CSMD1: variants seen among roughly 807,000 people sequenced by gnomAD.
CSMD1 encodes the protein CUB and Sushi multiple domains 1, also known as CUB and sushi domain-containing protein 1.
In CSMD1, 213 loss-of-function variants were observed where a neutral mutation model predicts 417.5. The observed-to-expected ratio is 0.51, with a 90% CI of 0.46 to 0.57. CSMD1 has a LOEUF of 0.57. CSMD1 is among the 20% of genes least tolerant of loss of function. CSMD1 has a pLI of 0.00. For synonymous variants in CSMD1, 2,862 were observed against 1,736.8 expected (o/e 1.65, Z -16.11); for missense variants, 6,923 against 4,529.7 (o/e 1.53, Z -15.17).
intron 1 of CSMD1, among the ~76,000 whole-genome samples, chr8:4,878,150 A>G: frequency 6.6e-6 from 1 of 152,088 alleles, no homozygotes. Context: ...AGTCTAAGAA[A>G]ATTATTTTAG....
intron 5 of CSMD1, among the ~76,000 whole-genome samples, chr8:3,850,213 A>G (rs535058885): frequency 3.5e-4 from 53 of 152,330 alleles, no homozygotes; most frequent in African/African-American, 1.2e-3. Flanking sequence ...TTTTCTTTAT[A>G]TCAAAGGCTC....
In CSMD1 at chr8:4,840,046, T is replaced by C. The variant is rs138148055; in HGVS notation, c.85+154286A>G. The stretch of plus-strand genomic sequence containing the variant: ...AAAAGCCTGGTTTGGGGTTCACAGC[T>C]ATGGCTTTCCTCGGTGGACCGCATC... On this transcript the variant is annotated intron_variant, in intron 1 of 69. Transcript: ENST00000635120. Among the ~76,000 whole-genome samples the C allele has an allele frequency of 6.7e-3, 958 of 143,710 alleles. 12 individuals are homozygous for C. Among genetic ancestry groups the C allele is most frequent in the African/African-American group, 0.023 (913 of 39,622 alleles). The allele number at this position is 143,710 out of a possible 152,430, so 94.3% of individuals were successfully genotyped here.
chr8:4,321,873 A>G (rs1799290874), intron 3 of CSMD1, among the ~76,000 whole-genome samples: 1 of 152,170 alleles, frequency 6.6e-6, no homozygotes, highest in African/African-American at 2.4e-5. Context: ...AAATGAATAA[A>G]TAATATATCA....
chr8:4,963,630 C>A (rs1563883196), intron 1 of CSMD1, among the ~76,000 whole-genome samples: 1 of 152,168 alleles, frequency 6.6e-6, no homozygotes, highest in Non-Finnish European at 1.5e-5. Flanking sequence ...CTTAGATGAT[C>A]TCAGGTGGAA....
At chr8:3,015,441 G>T (rs1047760265) in intron 52 of CSMD1, among the ~76,000 whole-genome samples, 2 of 151,772 alleles carry the variant, frequency 1.3e-5, no homozygotes, top group East Asian at 1.9e-4. Flanking sequence ...TTGTCAAGGG[G>T]TCATCATTTT....
intron 3 of CSMD1, among the ~76,000 whole-genome samples, chr8:4,036,339 G>C (rs894396340): frequency 7.2e-5 from 11 of 151,928 alleles, no homozygotes; most frequent in African/African-American, 2.4e-4. Context: ...AATTTAAAGA[G>C]GGACCCCTCC....
At chr8:4,386,672 T>C (rs1291449688) in intron 3 of CSMD1, among the ~76,000 whole-genome samples, 1 of 152,230 alleles carries the variant, frequency 6.6e-6, no homozygotes, top group Non-Finnish European at 1.5e-5. Flanking sequence ...GATTACCTGA[T>C]GAGCCCTTGC....
chr8:3,283,425 C>A (rs1269978457), intron 26 of CSMD1, among the ~76,000 whole-genome samples: 3 of 152,200 alleles, frequency 2.0e-5, no homozygotes, highest in African/African-American at 7.2e-5. Context: ...TAATTGAAAC[C>A]TTTAAAGTCG....
intron 3 of CSMD1, among the ~76,000 whole-genome samples, chr8:4,333,499 C>T (rs1404100650): frequency 6.6e-6 from 1 of 152,108 alleles, no homozygotes; most frequent in Non-Finnish European, 1.5e-5. Flanking sequence ...ATTATGTGTA[C>T]AGCACTACTC....
At chr8:3,914,366 T>C (rs186268621) in intron 5 of CSMD1, among the ~76,000 whole-genome samples, 44 of 152,240 alleles carry the variant, frequency 2.9e-4, no homozygotes, top group Middle Eastern at 3.4e-3. Context: ...TTACGTTGGA[T>C]AGATGTAAAA....
intron 12 of CSMD1, among the ~76,000 whole-genome samples, chr8:3,418,961 T>G (rs1393976614): frequency 6.6e-6 from 1 of 152,226 alleles, no homozygotes. Context: ...CTTTCCAGAA[T>G]TAATTAGTAG....
intron 1 of CSMD1, among the ~76,000 whole-genome samples, chr8:4,839,262 A>T (rs867367739): frequency 2.6e-5 from 4 of 152,202 alleles, no homozygotes; most frequent in Non-Finnish European, 5.9e-5. Context: ...TCTCCCAATT[A>T]TCTAGTCATT....
intron 3 of CSMD1, among the ~76,000 whole-genome samples, chr8:4,348,872 G>T (rs1273613265): frequency 6.6e-6 from 1 of 152,112 alleles, no homozygotes; most frequent in Non-Finnish European, 1.5e-5. Flanking sequence ...TCATCTACAT[G>T]TCTGTTGCTC....
intron 10 of CSMD1, among the ~76,000 whole-genome samples, chr8:3,570,764 A>G (rs1411712303): frequency 2.0e-5 from 3 of 152,200 alleles, no homozygotes; most frequent in Non-Finnish European, 4.4e-5. Flanking sequence ...TCATTTATTT[A>G]TGGTGGAAAG....
At chr8:4,620,986 G>A (rs1028565290) in intron 2 of CSMD1, among the ~76,000 whole-genome samples, 24 of 151,858 alleles carry the variant, frequency 1.6e-4, no homozygotes, top group African/African-American at 5.6e-4. Flanking sequence ...TGGCTAGAAA[G>A]ATTTTAAAAG....
intron 1 of CSMD1, among the ~76,000 whole-genome samples, chr8:4,803,595 T>G (rs1390909231): frequency 6.6e-6 from 1 of 152,196 alleles, no homozygotes; most frequent in Non-Finnish European, 1.5e-5. Flanking sequence ...CTACTATTGT[T>G]TTGTAGATCT....
intron 5 of CSMD1, among the ~76,000 whole-genome samples, chr8:3,887,853 C>A (rs981330379): frequency 5.9e-5 from 9 of 152,232 alleles, no homozygotes; most frequent in African/African-American, 2.2e-4. Context: ...ACTAAATATT[C>A]GAAGTCTTAT....
At chr8:4,304,262 G>T (rs1351746838) in intron 3 of CSMD1, among the ~76,000 whole-genome samples, 1 of 152,092 alleles carries the variant, frequency 6.6e-6, no homozygotes, top group Non-Finnish European at 1.5e-5. Flanking sequence ...CAAAGTCAAG[G>T]ATTTTATATT....
intron 1 of CSMD1, among the ~76,000 whole-genome samples, chr8:4,866,906 C>A (rs546586369): frequency 5.9e-5 from 9 of 151,784 alleles, no homozygotes; most frequent in African/African-American, 2.2e-4. Context: ...AATTTATTTG[C>A]CATTATTTTA....
Sources: gnomAD v4.1 joint callset for allele counts (sites outside exome capture counted in the v4.1 genomes callset) on GRCh38, gnomAD v4.1.1 for gene constraint, MANE v1.5 for transcripts, NCBI Gene and HGNC (gene_info 2026-07-23, HGNC 2026-07-21) for gene names.